Variants in RHOBTB3 observed in about 807,000 individuals in gnomAD.
The protein encoded by RHOBTB3 is rho-related BTB domain-containing protein 3.
In RHOBTB3, 47 loss-of-function variants were observed where a neutral mutation model predicts 67.2. The observed-to-expected ratio is 0.70, with a 90% CI of 0.55 to 0.89. The LOEUF (loss-of-function observed/expected upper bound fraction) is 0.89. Ranked by LOEUF, RHOBTB3 falls within the 40% of genes least tolerant of loss-of-function variation. The probability of loss-of-function intolerance (pLI) is 0.00; values close to 1 mark genes in which losing one functional copy is unlikely to be tolerated. For synonymous variants in RHOBTB3, 273 were observed against 274.2 expected (o/e 1.00, Z 0.04); for missense variants, 631 against 750.0 (o/e 0.84, Z 1.85).
chr5:95,722,880 A>G (rs1041726895), intron 1 of RHOBTB3, among the ~76,000 whole-genome samples: 1 of 152,256 alleles, frequency 6.6e-6, no homozygotes, highest in Non-Finnish European at 1.5e-5. Context: ...TTCGAAAAAT[A>G]CTAGTAGAAA....
upstream of RHOBTB3, among the ~76,000 whole-genome samples, chr5:95,728,486 G>C (rs1580386261): frequency 6.6e-6 from 1 of 152,180 alleles, no homozygotes; most frequent in East Asian, 1.9e-4. Flanking sequence ...TTCTGACACA[G>C]AAAGCACAGA....
At chr5:95,738,640 A>G (rs925888806) in intron 3 of RHOBTB3, among the ~76,000 whole-genome samples, 2 of 151,950 alleles carry the variant, frequency 1.3e-5, no homozygotes, top group Admixed American at 6.6e-5. Context: ...ACGATGCAGC[A>G]GGAAGGTCTC....
chr5:95,722,618 T>TCCTGCCTC (rs1754920863), intron 1 of RHOBTB3, among the ~76,000 whole-genome samples: 1 of 152,178 alleles, frequency 6.6e-6, no homozygotes, highest in Non-Finnish European at 1.5e-5. Flanking sequence ...GCCTCCCAAG[T>TCCTGCCTC]AGCTGGGACT....
At chr5:95,742,502 C>G (rs557832048) in intron 3 of RHOBTB3, among the ~76,000 whole-genome samples, 1 of 150,500 alleles carries the variant, frequency 6.6e-6, no homozygotes, top group Admixed American at 6.6e-5. Context: ...TCTCTATTCT[C>G]TTCTTTTGGG....
chr5:95,718,759 T>C (rs115772009), intron 1 of RHOBTB3, among the ~76,000 whole-genome samples: 2,246 of 152,228 alleles, frequency 0.015, 58 homozygotes, highest in African/African-American at 0.052. Context: ...AATGGGGCTA[T>C]GAGAACAGAC....
chr5:95,783,622 G>T, intron 9 of RHOBTB3, 175 bp from the exon 10 acceptor site: 1 of 363,130 alleles, frequency 2.8e-6, no homozygotes, highest in East Asian at 4.3e-5. Flanking sequence ...AGATAAAATG[G>T]AATAAAAGTG....
intron 3 of RHOBTB3, among the ~76,000 whole-genome samples, chr5:95,739,074 C>T (rs985992082): frequency 2.0e-5 from 3 of 152,128 alleles, no homozygotes; most frequent in Admixed American, 1.3e-4. Flanking sequence ...ATATAAACAC[C>T]GATAACTGTT....
At chr5:95,758,780 C>G (rs1388422610) in intron 6 of RHOBTB3, among the ~76,000 whole-genome samples, 1 of 152,144 alleles carries the variant, frequency 6.6e-6, no homozygotes, top group Non-Finnish European at 1.5e-5. Context: ...ATTCAGTTAC[C>G]TGGAGTGGGG....
rs115456101 is a variant in RHOBTB3 at position 95,747,330 on chromosome 5, G to A, written c.416-1003G>A. Among the ~76,000 whole-genome samples the A allele has an allele frequency of 4.3e-3, 650 of 152,156 alleles. 7 individuals carry two copies. The highest frequency in any genetic ancestry group is 0.015 in the African/African-American group (622 of 41,514). ...TCCAATTTTCCTTCTACCCAGTCCC[G>A]CATTCCTCACCCCTGAGAAGCGTTA... On this transcript the variant is annotated intron_variant, in intron 3 of 11. Transcript: ENST00000379982.
At chr5:95,756,110 C>T (rs1447844102) in intron 6 of RHOBTB3, 1 of 194,168 alleles carries the variant, frequency 5.2e-6, no homozygotes, top group African/African-American at 2.4e-5. Flanking sequence ...GTCCATAATT[C>T]TTTGCATCTT....
At chr5:95,759,255 C>A (rs183268694) in intron 6 of RHOBTB3, among the ~76,000 whole-genome samples, 5 of 152,358 alleles carry the variant, frequency 3.3e-5, no homozygotes, top group African/African-American at 1.2e-4. Context: ...GCCGGAGGTG[C>A]TGTCTGGTCT....
intron 7 of RHOBTB3, among the ~76,000 whole-genome samples, chr5:95,766,160 G>A (rs1289643041): frequency 1.3e-5 from 2 of 151,906 alleles, no homozygotes; most frequent in Non-Finnish European, 2.9e-5. Flanking sequence ...TTCTGCCTTA[G>A]GAGGAAGAAT....
At position 95,737,080 on chromosome 5, in the gene RHOBTB3, G is replaced by C; in HGVS notation, c.415+5G>C. On this transcript the variant is annotated splice_donor_5th_base_variant and intron_variant, in intron 3 of 11. Coordinates refer to ENST00000379982, the MANE Select transcript of RHOBTB3 (RefSeq NM_014899.4). ...CTGTTGGTACCAGACAAAATGGTAA[G>C]TATTTAATATTCTTTTTTGTAGTGA... 6.6e-7 allele frequency: 1 copy of C among 1,524,690 alleles called. No homozygotes were observed. The highest frequency in any genetic ancestry group is 9.0e-7 in the Non-Finnish European group (1 of 1,107,610). 94.4% of individuals were successfully genotyped at this position (1,524,690 alleles called of 1,614,324 possible).
chr5:95,776,968 C>T (rs546483001), intron 8 of RHOBTB3, among the ~76,000 whole-genome samples: 18 of 152,218 alleles, frequency 1.2e-4, no homozygotes, highest in African/African-American at 4.1e-4. Context: ...AGGCCTTCCC[C>T]CAAAACTGGC....
At chr5:95,727,145 T>G (rs1466544337), upstream of RHOBTB3, among the ~76,000 whole-genome samples, 1 of 152,176 alleles carries the variant, frequency 6.6e-6, no homozygotes, top group Non-Finnish European at 1.5e-5. Context: ...AACTTTAATA[T>G]TTTTTTAAAA....
intron 3 of RHOBTB3, among the ~76,000 whole-genome samples, chr5:95,747,221 A>G (rs561876302): frequency 1.4e-4 from 21 of 152,342 alleles, no homozygotes; most frequent in African/African-American, 4.3e-4. Flanking sequence ...CTTTCCCCAA[A>G]TGAGGAACAA....
intron 3 of RHOBTB3, among the ~76,000 whole-genome samples, chr5:95,745,923 T>C (rs548245805): frequency 9.2e-5 from 14 of 152,076 alleles, no homozygotes; most frequent in Non-Finnish European, 1.3e-4. Flanking sequence ...AATATAGGAA[T>C]GGTTCAAAAG....
intron 3 of RHOBTB3, among the ~76,000 whole-genome samples, chr5:95,744,999 G>A (rs754139351): frequency 4.6e-4 from 70 of 152,138 alleles, no homozygotes; most frequent in Admixed American, 9.8e-4. Context: ...TGAGCCTGGG[G>A]GAGGCAGAGG....
chr5:95,791,427 TG>T (rs1746387033), intron 11 of RHOBTB3, among the ~76,000 whole-genome samples: 1 of 152,194 alleles, frequency 6.6e-6, no homozygotes, highest in Admixed American at 6.5e-5. Context: ...GGGTTTTGTT[TG>T]TTTTGTTTTG....
Sources: allele counts gnomAD v4.1 joint callset (sites outside exome capture counted in the v4.1 genomes callset), GRCh38; gene constraint gnomAD v4.1.1; transcripts MANE v1.5; gene names NCBI Gene and HGNC (gene_info 2026-07-23, HGNC 2026-07-21).